Variants in DYNC2I2 observed in about 807,000 individuals in gnomAD.
DYNC2I2 encodes the protein cytoplasmic dynein 2 intermediate chain 2.
Under a neutral mutation model 52.0 loss-of-function variants are expected in DYNC2I2, and 39 were observed. The ratio of observed to expected loss-of-function variants is 0.75; its 90% CI spans 0.58 to 0.98. The LOEUF is 0.98. Among genes scored for constraint, DYNC2I2 ranks in the 50% least tolerant of loss-of-function variants. The pLI, the probability that DYNC2I2 is intolerant of heterozygous loss-of-function variation, is 0.00. For synonymous variants in DYNC2I2, 359 were observed against 321.1 expected, an observed-to-expected ratio of 1.12 and a Z score of -1.26; for missense variants, 743 against 728.4, an observed-to-expected ratio of 1.02 and a Z score of -0.23.
upstream of DYNC2I2, among the ~76,000 whole-genome samples, chr9:128,657,088 C>T (rs554182978): frequency 3.3e-5 from 5 of 152,320 alleles, no homozygotes; most frequent in South Asian, 6.2e-4. Context: ...GAGGTCTGGG[C>T]CTGGGAGCGC....
At chr9:128,634,942 C>T (rs757392206) in intron 6 of DYNC2I2, 21 bp from the exon 7 acceptor site, 1 of 1,610,012 alleles carries the variant, frequency 6.2e-7, no homozygotes, top group East Asian at 2.2e-5. Context: ...ATGGCAGCAG[C>T]AGGGTCAGAG....
chr9:128,664,083 G>T, the DYNC2I2 span, among the ~76,000 whole-genome samples: 1 of 149,346 alleles, frequency 6.7e-6, no homozygotes. Flanking sequence ...TCAGCCTCCC[G>T]AATAGCTGGG....
In DYNC2I2 at chr9:128,653,308, G is replaced by A. The variant is rs1860753827; in HGVS notation, c.186+3233C>T. Among the ~76,000 whole-genome samples the A allele has an allele frequency of 1.3e-5, 2 of 151,226 alleles. 1 individual carries two copies. Among genetic ancestry groups the A allele is most frequent in the South Asian group, 4.1e-4 (2 of 4,838 alleles). On this transcript the variant is annotated intron_variant, in intron 1 of 8. Coordinates refer to ENST00000372715, the MANE Select transcript of DYNC2I2 (RefSeq NM_052844.4). ...AATATCTATACCTTGGGAGGCCGAG[G>A]CAGGCAGATGACTTGAGGCCAGGAG...
intron 1 of DYNC2I2, 85 bp from the exon 2 acceptor site, chr9:128,641,024 AC>A: frequency 2.1e-6 from 3 of 1,442,678 alleles, no homozygotes; most frequent in South Asian, 1.5e-5. Flanking sequence ...CTCCTGCTTG[AC>A]CCCCTCCTTG....
rs1365906591 is a variant in DYNC2I2 at position 128,633,741 on chromosome 9, CCCTCAGGCCGCCA to C, written c.1601_*2del. 1.2e-6 allele frequency: 2 copies of C among 1,612,156 alleles called. No homozygotes were observed. The highest frequency in any genetic ancestry group is 1.7e-6 in the Non-Finnish European group (2 of 1,179,818). On this transcript the variant is annotated stop_lost and 3_prime_UTR_variant, in exon 9 of 9. Transcript: ENST00000372715. ...AAGGCTTGCACCCGCCTCCCGGGAC[CCCTCAGGCCGCCA>C]CCTCTGCTGCCAGGCAGTCCAGGTC...
chr9:128,637,296 A>C (rs1456771294), intron 2 of DYNC2I2, among the ~76,000 whole-genome samples: 3 of 152,252 alleles, frequency 2.0e-5, no homozygotes, highest in Non-Finnish European at 4.4e-5. Context: ...CACAGTTTCC[A>C]AGCCTCAGGG....
chr9:128,641,198 C>T (rs912015918), intron 1 of DYNC2I2, among the ~76,000 whole-genome samples: 2 of 152,138 alleles, frequency 1.3e-5, no homozygotes, highest in African/African-American at 4.8e-5. Flanking sequence ...GTGACCAACA[C>T]AGGCCAGTGA....
chr9:128,642,486 T>A (rs1860533813), intron 1 of DYNC2I2, among the ~76,000 whole-genome samples: 1 of 145,326 alleles, frequency 6.9e-6, no homozygotes, highest in South Asian at 2.2e-4. Flanking sequence ...AATTACTTAT[T>A]GAGGCCGGGC....
At chr9:128,671,884 AC>A in the DYNC2I2 span, among the ~76,000 whole-genome samples, 1 of 151,384 alleles carries the variant, frequency 6.6e-6, no homozygotes, top group Non-Finnish European at 1.5e-5. Flanking sequence ...CGATCTCCTG[AC>A]CTCATGATCC....
In DYNC2I2 at chr9:128,635,501, G is replaced by A. The variant is rs1010155813; in HGVS notation, c.813+157C>T. ...TGGGAATGGCCACAGGGCCCTGGGAGTGGCTCCTGAGGGGGGTGACTCATG... is the reference window on the plus strand; with the variant it reads ...TGGGAATGGCCACAGGGCCCTGGGAATGGCTCCTGAGGGGGGTGACTCATG... On this transcript the variant is annotated intron_variant, in intron 5 of 8. Transcript: ENST00000372715. The A allele has an allele frequency of 3.7e-5, 30 of 800,396 alleles. 1 individual carries two copies. The highest frequency in any genetic ancestry group is 7.5e-5 in the Admixed American group (3 of 39,908). 49.6% of individuals were successfully genotyped at this position (800,396 alleles called of 1,614,324 possible). A position where few individuals can be genotyped will look rare whatever the true frequency, so the allele number is the denominator to read the frequency against.
intron 1 of DYNC2I2, among the ~76,000 whole-genome samples, chr9:128,642,282 G>C (rs998711819): frequency 1.5e-5 from 1 of 67,404 alleles, no homozygotes; most frequent in Non-Finnish European, 2.9e-5. Flanking sequence ...GCAAGACTCC[G>C]TCTCAAAAAA....
At position 128,636,493 on chromosome 9, in the gene DYNC2I2, C is replaced by T. The variant is rs1860418360; in HGVS notation, c.546-55G>A. The T allele has an allele frequency of 1.9e-6, 3 of 1,540,890 alleles. No individual in the cohort carries two copies. In the South Asian group the frequency reaches 3.5e-5, roughly 18 times the overall value. On this transcript the variant is annotated intron_variant, in intron 3 of 8. Transcript: ENST00000372715. Reference sequence around the variant, plus strand: ...GCCCCTGGGTGGGGCTCCTATCACCCACCCCACCTCTCTCCCCACTAGCCC... The same window carrying T: ...GCCCCTGGGTGGGGCTCCTATCACCTACCCCACCTCTCTCCCCACTAGCCC...
At chr9:128,667,894 A>G in the DYNC2I2 span, among the ~76,000 whole-genome samples, 38 of 135,780 alleles carry the variant, frequency 2.8e-4, no homozygotes, top group Non-Finnish European at 5.3e-4. Flanking sequence ...CATCATGCCC[A>G]GCCAATTTTT....
chr9:128,634,728 C>A lies in DYNC2I2; in HGVS notation c.1175G>T (p.Gly392Val). 1 of 1,592,594 alleles carries A rather than the reference C, an allele frequency of 6.3e-7. No homozygotes were observed. Among genetic ancestry groups the A allele is most frequent in the Non-Finnish European group, 8.5e-7 (1 of 1,170,310 alleles). The change falls in exon 7 of 9, where the codon GGC becomes GTC. Residue 392 changes from glycine (G) to valine (V), a missense_variant. By Grantham distance (109) the Gly-to-Val change is moderately radical. Coordinates refer to ENST00000372715, the MANE Select transcript of DYNC2I2 (RefSeq NM_052844.4). ...ACAGCTCACAGAGTAGATGGGACCG[C>A]CGTGGGGGGAGAAGGTAAACTGTGC... ...APAQFTFSPH[G>V]GPIYSVSCSP...
chr9:128,641,003 C>T, intron 1 of DYNC2I2, 64 bp from the exon 2 acceptor site: 4 of 1,501,894 alleles, frequency 2.7e-6, no homozygotes, highest in Non-Finnish European at 1.8e-6. Flanking sequence ...CACCCAGCCC[C>T]CTGCCTGCCC....
chr9:128,678,429 T>C, the DYNC2I2 span, among the ~76,000 whole-genome samples: 2 of 148,108 alleles, frequency 1.4e-5, no homozygotes, highest in Non-Finnish European at 3.0e-5. Flanking sequence ...TCAATGTTCA[T>C]GTGTAGAGAC....
chr9:128,682,854 T>C, the DYNC2I2 span, among the ~76,000 whole-genome samples: 2 of 150,808 alleles, frequency 1.3e-5, no homozygotes, highest in African/African-American at 4.9e-5. Context: ...TTTTTTGTAT[T>C]TTTAGTAGAG....
At chr9:128,656,186 G>C (rs1435689702) in intron 1 of DYNC2I2, among the ~76,000 whole-genome samples, 3 of 151,490 alleles carry the variant, frequency 2.0e-5, no homozygotes, top group Non-Finnish European at 2.9e-5. Flanking sequence ...CTCCAGCCTG[G>C]GCGACAGAGC....
rs1486599814 is a variant in DYNC2I2, at chr9:128,633,867, C to G, written c.1488G>C (p.Gln496His). 1 of 1,613,602 alleles carries G rather than the reference C, an allele frequency of 6.2e-7. No homozygotes were observed. Among genetic ancestry groups the G allele is most frequent in the Non-Finnish European group, 8.5e-7 (1 of 1,180,050 alleles). ...CCTGGGCATCGCCCGCAGCCAAGAG[C>G]TGAGTCTGCTGGCTGTTGAACTCCA... ...YCLEFNSQQT[Q>H]LLAAGDAQGT... is the part of the protein sequence containing the mutation. Residue 496 changes from glutamine (Q) to histidine (H), a missense_variant, in exon 9 of 9, where the codon CAG (glutamine) becomes CAC (histidine). Coordinates refer to ENST00000372715, the MANE Select transcript of DYNC2I2 (RefSeq NM_052844.4).
Sources: allele counts gnomAD v4.1 joint callset (sites outside exome capture counted in the v4.1 genomes callset), GRCh38; gene constraint gnomAD v4.1.1; transcripts MANE v1.5; gene names NCBI Gene and HGNC (gene_info 2026-07-23, HGNC 2026-07-21).